PKHD1: variants seen among roughly 807,000 people sequenced by gnomAD.
PKHD1 encodes fibrocystin.
PKHD1 carries 291 observed loss-of-function variants against 412.0 expected under a neutral mutation model. The observed-to-expected ratio is 0.71, with a 90% CI of 0.64 to 0.78. PKHD1 has a LOEUF of 0.78. PKHD1 is among the 30% of genes least tolerant of loss of function. PKHD1 has a pLI of 0.00. For synonymous variants in PKHD1, 1,777 were observed against 1,821.5 expected (o/e 0.98, Z 0.62); for missense variants, 4,825 against 4,950.7 (o/e 0.97, Z 0.76).
chr6:51,985,045 A>G (rs889782400), intron 35 of PKHD1, among the ~76,000 whole-genome samples: 34 of 152,226 alleles, frequency 2.2e-4, no homozygotes, highest in Non-Finnish European at 1.8e-4. Flanking sequence ...CTAGATCATC[A>G]ATTATTTTAA....
intron 40 of PKHD1, among the ~76,000 whole-genome samples, chr6:51,908,659 G>A (rs759808554): frequency 1.3e-5 from 2 of 152,048 alleles, no homozygotes; most frequent in African/African-American, 4.8e-5. Flanking sequence ...TTCTGATCTT[G>A]TTTTTCACCT....
chr6:51,822,833 TTTTC>T (rs1766668054), intron 52 of PKHD1, among the ~76,000 whole-genome samples: 1 of 152,156 alleles, frequency 6.6e-6, no homozygotes, highest in Non-Finnish European at 1.5e-5. Context: ...CTCAGCTCAT[TTTTC>T]TTTATTTTTT....
chr6:51,669,941 T>C (rs1031581839), intron 60 of PKHD1, among the ~76,000 whole-genome samples: 16 of 150,494 alleles, frequency 1.1e-4, no homozygotes, highest in African/African-American at 3.9e-4. Flanking sequence ...TTCTTTTACA[T>C]TTGCTGAGGA....
At chr6:51,736,433 T>A (rs1224387460) in intron 60 of PKHD1, among the ~76,000 whole-genome samples, 1 of 152,144 alleles carries the variant, frequency 6.6e-6, no homozygotes, top group Non-Finnish European at 1.5e-5. Flanking sequence ...GTCTGAACGA[T>A]GTACCACTAG....
At chr6:52,052,266 G>C (rs1277863646) in intron 21 of PKHD1, among the ~76,000 whole-genome samples, 1 of 152,186 alleles carries the variant, frequency 6.6e-6, no homozygotes, top group African/African-American at 2.4e-5. Context: ...GACACTGAGG[G>C]CAAACTGCAC....
intron 60 of PKHD1, among the ~76,000 whole-genome samples, chr6:51,698,901 C>T (rs1175194836): frequency 6.6e-6 from 1 of 152,108 alleles, no homozygotes; most frequent in East Asian, 1.9e-4. Context: ...ATCATAACTA[C>T]TTCATTTCTT....
intron 52 of PKHD1, among the ~76,000 whole-genome samples, chr6:51,815,441 A>G (rs1021150218): frequency 6.6e-6 from 1 of 152,192 alleles, no homozygotes; most frequent in African/African-American, 2.4e-5. Context: ...ACAAAAATAA[A>G]TAAGCTGAAA....
At chr6:51,728,873 G>T (rs1326627292) in intron 60 of PKHD1, among the ~76,000 whole-genome samples, 1 of 152,224 alleles carries the variant, frequency 6.6e-6, no homozygotes, top group Non-Finnish European at 1.5e-5. Context: ...ATAAGTGGTG[G>T]CAGTGGTGGC....
intron 60 of PKHD1, among the ~76,000 whole-genome samples, chr6:51,726,222 T>C (rs1170242410): frequency 1.3e-5 from 2 of 152,226 alleles, no homozygotes; most frequent in Non-Finnish European, 2.9e-5. Context: ...TACAGGAGTT[T>C]CTAATGCTTA....
chr6:51,930,396 C>A (rs1157708171), intron 37 of PKHD1, among the ~76,000 whole-genome samples: 1 of 152,126 alleles, frequency 6.6e-6, no homozygotes, highest in Admixed American at 6.6e-5. Context: ...ATATGTGCAG[C>A]TGTGTGTATA....
At chr6:51,988,385 C>A (rs550266727) in intron 35 of PKHD1, among the ~76,000 whole-genome samples, 1 of 152,262 alleles carries the variant, frequency 6.6e-6, no homozygotes, top group South Asian at 2.1e-4. Context: ...ACCAAATTAT[C>A]CAGCATATAT....
In PKHD1 at chr6:51,863,768, T is replaced by C. The variant is rs555841251; in HGVS notation, c.7733+4095A>G. 4.7e-4 allele frequency among the ~76,000 whole-genome samples: 71 copies of C among 152,290 alleles called. 1 individual carries two copies. The South Asian group carries it at 0.014, about 30-fold the overall frequency. On this transcript the variant is annotated intron_variant, in intron 48 of 66. Transcript: ENST00000371117. Reference sequence around the variant, plus strand: ...CTGGGTCTTCTGAAGAAAAGCCGAATGCTGTGGACTCCTCATGAACATGTC... The same window carrying C: ...CTGGGTCTTCTGAAGAAAAGCCGAACGCTGTGGACTCCTCATGAACATGTC...
intron 36 of PKHD1, among the ~76,000 whole-genome samples, chr6:51,942,699 T>G (rs148530544): frequency 6.6e-6 from 1 of 151,630 alleles, no homozygotes; most frequent in African/African-American, 2.4e-5. Flanking sequence ...GGTTTATTGA[T>G]GGCAGTTCCA....
At chr6:52,015,606 T>C (rs540537626) in intron 34 of PKHD1, among the ~76,000 whole-genome samples, 3 of 151,924 alleles carry the variant, frequency 2.0e-5, no homozygotes, top group South Asian at 2.1e-4. Context: ...GGGCAGATCA[T>C]GAGGTCAGGA....
chr6:51,732,760 C>T (rs2148460), intron 60 of PKHD1, among the ~76,000 whole-genome samples: 94,013 of 152,076 alleles, frequency 0.62, 30,187 homozygotes, highest in African/African-American at 0.78. Flanking sequence ...AGAACTATCA[C>T]ATGACCTTGC....
intron 40 of PKHD1, among the ~76,000 whole-genome samples, chr6:51,906,895 T>G (rs373150142): frequency 1.1e-3 from 174 of 152,268 alleles, no homozygotes; most frequent in Admixed American, 3.4e-3. Context: ...AAGAGGAAGC[T>G]ATCCTCTACT....
intron 35 of PKHD1, among the ~76,000 whole-genome samples, chr6:51,981,314 T>TC (rs1795145641): frequency 1.5e-4 from 1 of 6,768 alleles, no homozygotes; most frequent in African/African-American, 3.6e-4. Context: ...GCTCAAGCTC[T>TC]CCCTCTCCCT....
chr6:51,746,480 G>A (rs1785208121), intron 59 of PKHD1, among the ~76,000 whole-genome samples: 3 of 152,126 alleles, frequency 2.0e-5, no homozygotes, highest in Non-Finnish European at 2.9e-5. Context: ...GCTGAGTCCA[G>A]ATTCAAGGGG....
chr6:51,912,469 C>A lies in PKHD1; in HGVS notation c.6229G>T (p.Val2077Phe). 1 of 1,611,802 alleles carries A rather than the reference C, an allele frequency of 6.2e-7. No homozygotes were observed. Residue 2077 changes from valine to phenylalanine, a missense_variant, in exon 38 of 67, where the codon GTC becomes TTC. Physicochemically the swap from Val to Phe is conservative, Grantham distance 50 (BLOSUM62 -1). Coordinates refer to ENST00000371117, the MANE Select transcript of PKHD1 (RefSeq NM_138694.4). ...AVDWNPGDEV[V>F]IISGTGVKGA... ...TTAACACCTGTTCCACTGATGATGA[C>A]AACTTCATCCCCAGGGTTCCAGTCC...
Sources: gnomAD v4.1 joint callset for allele counts (sites outside exome capture counted in the v4.1 genomes callset) on GRCh38, gnomAD v4.1.1 for gene constraint, MANE v1.5 for transcripts, NCBI Gene and HGNC (gene_info 2026-07-23, HGNC 2026-07-21) for gene names.